CBFA2T3: variants seen among roughly 807,000 people sequenced by gnomAD.
CBFA2T3 encodes CBFA2/RUNX1 partner transcriptional co-repressor 3, also known as transcriptional corepressor CBFA2T3.
Under a neutral mutation model 58.6 loss-of-function variants are expected in CBFA2T3, and 31 were observed. The observed-to-expected ratio is 0.53, with a 90% CI of 0.40 to 0.71. The LOEUF is 0.71. CBFA2T3 is among the 30% of genes least tolerant of loss of function. The pLI is 0.00. For missense variants in CBFA2T3, 1,076 were observed against 963.1 expected (o/e 1.12, Z -1.55); for synonymous variants, 531 against 421.9 (o/e 1.26, Z -3.17).
At chr16:88,970,890 T>C (rs1324153877) in intron 1 of CBFA2T3, among the ~76,000 whole-genome samples, 1 of 151,944 alleles carries the variant, frequency 6.6e-6, no homozygotes, top group East Asian at 1.9e-4. Context: ...GTTTTTCTCA[T>C]GGGGTGACAG....
At chr16:88,966,117 C>T (rs976970212) in intron 1 of CBFA2T3, among the ~76,000 whole-genome samples, 12 of 152,330 alleles carry the variant, frequency 7.9e-5, no homozygotes, top group South Asian at 2.1e-4. Flanking sequence ...CCCCTCTGGA[C>T]GGAGTGGGCT....
At chr16:88,968,045 T>G (rs1221826881) in intron 1 of CBFA2T3, among the ~76,000 whole-genome samples, 2 of 152,262 alleles carry the variant, frequency 1.3e-5, no homozygotes, top group Non-Finnish European at 2.9e-5. Flanking sequence ...ACTGAAATTC[T>G]GTGGGTTCGA....
chr16:88,943,735 A>C (rs777749966), intron 1 of CBFA2T3, among the ~76,000 whole-genome samples: 1 of 152,274 alleles, frequency 6.6e-6, no homozygotes, highest in Non-Finnish European at 1.5e-5. Flanking sequence ...CCTCTCAGCC[A>C]CACCGACTTC....
At chr16:88,893,973 G>A (rs1008214993) in intron 3 of CBFA2T3, among the ~76,000 whole-genome samples, 2 of 152,148 alleles carry the variant, frequency 1.3e-5, no homozygotes, top group African/African-American at 4.8e-5. Flanking sequence ...GATGCCTCTG[G>A]GAGGCCTGAA....
At chr16:88,934,362 CCT>C (rs1971426471) in intron 1 of CBFA2T3, among the ~76,000 whole-genome samples, 1 of 152,260 alleles carries the variant, frequency 6.6e-6, no homozygotes, top group Non-Finnish European at 1.5e-5. Flanking sequence ...TCCCAGGTCC[CCT>C]GTTGGATGCT....
intron 1 of CBFA2T3, among the ~76,000 whole-genome samples, chr16:88,930,858 T>C (rs374070053): frequency 3.9e-4 from 35 of 90,586 alleles, no homozygotes; most frequent in African/African-American, 1.7e-3. Flanking sequence ...GGGCTGGGGG[T>C]GGAGGAGTGA....
chr16:88,886,169 G>A (rs779520960), intron 5 of CBFA2T3, 27 bp from the exon 6 acceptor site: 1 of 1,495,608 alleles, frequency 6.7e-7, no homozygotes, highest in East Asian at 2.3e-5. Flanking sequence ...GAGGGCCTGG[G>A]TAGCATGCAG....
intron 4 of CBFA2T3, 72 bp from the exon 5 acceptor site, chr16:88,892,043 G>T: frequency 7.0e-7 from 1 of 1,423,156 alleles, no homozygotes; most frequent in South Asian, 1.2e-5. Context: ...ACCCATGCCT[G>T]AGGAGGAGGC....
chr16:88,916,143 GGT>G (rs748201675), intron 1 of CBFA2T3, among the ~76,000 whole-genome samples: 21 of 143,584 alleles, frequency 1.5e-4, no homozygotes, highest in African/African-American at 2.2e-4. Context: ...TGTACATGTG[GGT>G]GTGTGTGCAT....
intron 1 of CBFA2T3, among the ~76,000 whole-genome samples, chr16:88,970,193 G>A (rs1463223722): frequency 6.6e-6 from 1 of 151,928 alleles, no homozygotes; most frequent in Non-Finnish European, 1.5e-5. Flanking sequence ...GGAGGCGGTG[G>A]CGGCGGCCCC....
At chr16:88,973,047 C>T (rs950368436) in intron 1 of CBFA2T3, among the ~76,000 whole-genome samples, 1 of 152,228 alleles carries the variant, frequency 6.6e-6, no homozygotes, top group Non-Finnish European at 1.5e-5. Context: ...CCACCAGCTC[C>T]AAAGCCCAGC....
chr16:88,887,437 C>T (rs1478562031), intron 5 of CBFA2T3, among the ~76,000 whole-genome samples: 2 of 152,192 alleles, frequency 1.3e-5, no homozygotes, highest in African/African-American at 4.8e-5. Context: ...ACATCTGGAT[C>T]CCTGGCTGGC....
rs772279560 is a variant in CBFA2T3 at position 88,894,176 on chromosome 16, CAT to C, written c.380-1693_380-1692del. 9.3e-3 allele frequency among the ~76,000 whole-genome samples: 1,400 copies of C among 150,156 alleles called. 8 individuals carry two copies. Among genetic ancestry groups the C allele is most frequent in the East Asian group, 0.014 (72 of 5,064 alleles). The stretch of plus-strand genomic sequence containing the variant: ...ACATGCACGCACACATGCACACACA[CAT>C]GCATACATATACACATGCACACAAT... On this transcript the variant is annotated intron_variant, in intron 3 of 11. Transcript: ENST00000268679.
chr16:88,901,364 C>G (rs1322131199), intron 2 of CBFA2T3, 140 bp downstream of exon 2: 3 of 517,738 alleles, frequency 5.8e-6, no homozygotes, highest in Non-Finnish European at 1.0e-5. Flanking sequence ...CAAGCCTGGG[C>G]TCTGGGCCAC....
rs760420534 is a variant in CBFA2T3 at position 88,898,166 on chromosome 16, A to T, written c.305-14T>A. ...CGTCCTCTCGATCTGTAAGCAAAAT[A>T]AGAAGAACACGCTGTCAGGAGGGGC... is the stretch of plus-strand genomic sequence containing the variant. On this transcript the variant is annotated splice_polypyrimidine_tract_variant and intron_variant, in intron 2 of 11. Transcript: ENST00000268679. 1.9e-6 allele frequency: 3 copies of T among 1,605,750 alleles called. No homozygotes were observed. In the South Asian group the frequency reaches 3.3e-5, roughly 18 times the overall value.
At chr16:88,959,536 C>G (rs1972310012) in intron 1 of CBFA2T3, among the ~76,000 whole-genome samples, 2 of 152,258 alleles carry the variant, frequency 1.3e-5, no homozygotes, top group Admixed American at 6.5e-5. Flanking sequence ...GTCATACCAC[C>G]TGTAAAAGCC....
At chr16:88,917,675 G>C (rs1288088725) in intron 1 of CBFA2T3, among the ~76,000 whole-genome samples, 2 of 152,238 alleles carry the variant, frequency 1.3e-5, no homozygotes, top group African/African-American at 4.8e-5. Flanking sequence ...GGAATAATTA[G>C]GGTCTGGCGG....
chr16:88,933,784 TC>T (rs150735014), intron 1 of CBFA2T3, among the ~76,000 whole-genome samples: 39,667 of 143,944 alleles, frequency 0.28, 6,862 homozygotes, highest in Middle Eastern at 0.49. Flanking sequence ...CACGTCTGCG[TC>T]CCCACAGCCA....
chr16:88,879,079 C>T (rs1240486475), intron 11 of CBFA2T3, among the ~76,000 whole-genome samples, 191 bp downstream of exon 11: 3 of 152,234 alleles, frequency 2.0e-5, no homozygotes, highest in South Asian at 4.1e-4. Flanking sequence ...ATCCATAGGA[C>T]GCCTCACTGA....
Sources: gnomAD v4.1 joint callset for allele counts (sites outside exome capture counted in the v4.1 genomes callset) on GRCh38, gnomAD v4.1.1 for gene constraint, MANE v1.5 for transcripts, NCBI Gene and HGNC (gene_info 2026-07-23, HGNC 2026-07-21) for gene names.